The following NEK7 variants were observed in gnomAD, a reference collection of about 807,000 sequenced individuals.
NEK7 encodes the protein serine/threonine-protein kinase Nek7.
In NEK7, 18 loss-of-function variants were observed where a neutral mutation model predicts 44.6. That is an observed-to-expected ratio of 0.40 (90% confidence interval 0.28 to 0.60). NEK7 has a LOEUF of 0.60. NEK7 is among the 20% of genes least tolerant of loss of function. The probability of loss-of-function intolerance (pLI) is 0.38; values close to 1 mark genes in which losing one functional copy is unlikely to be tolerated. For missense variants in NEK7, 256 were observed against 366.5 expected (o/e 0.70, Z 2.46); for synonymous variants, 130 against 121.1 (o/e 1.07, Z -0.48).
chr1:198,309,454 A>G (rs1655108570), intron 9 of NEK7, among the ~76,000 whole-genome samples: 1 of 151,518 alleles, frequency 6.6e-6, no homozygotes. Flanking sequence ...TCTTTTTTTT[A>G]TTATTATTAT....
rs749263549 is a variant in NEK7 at position 198,231,301 on chromosome 1, GTATATATATA to G, written c.-28-1225_-28-1216del. Among the ~76,000 whole-genome samples, 679 of 86,964 alleles carry G rather than the reference GTATATATATA, an allele frequency of 7.8e-3. 9 individuals carry two copies. Among genetic ancestry groups the G allele is most frequent in the African/African-American group, 0.026 (529 of 20,068 alleles). The allele number at this position is 86,964 out of a possible 152,430, so 57.1% of individuals were successfully genotyped here. ...TGTGTATATACGTGTATGTGTGTGTGTATATATATATATATATATATATATATATATATAT... is the reference window on the plus strand; with the variant it reads ...TGTGTATATACGTGTATGTGTGTGTGTATATATATATATATATATATATAT... On this transcript the variant is annotated intron_variant, in intron 1 of 9. Transcript: ENST00000367385.
chr1:198,187,425 AG>A (rs1381302615), intron 1 of NEK7, among the ~76,000 whole-genome samples: 1 of 152,120 alleles, frequency 6.6e-6, no homozygotes, highest in East Asian at 1.9e-4. Context: ...TTGCCAAGGG[AG>A]AAAGGCTTGT....
chr1:198,160,411 A>G (rs1217998435), intron 1 of NEK7, among the ~76,000 whole-genome samples: 2 of 152,134 alleles, frequency 1.3e-5, no homozygotes, highest in African/African-American at 4.8e-5. Context: ...TGCACAAAAC[A>G]GCACTCTGTC....
Position 198,212,889 on chromosome 1 carries a change from C to G in NEK7, c.-28-19664C>G, listed in dbSNP as rs547783864. On this transcript the variant is annotated intron_variant, in intron 1 of 9. Coordinates refer to ENST00000367385, the MANE Select transcript of NEK7 (RefSeq NM_133494.3). Reference sequence around the variant, plus strand: ...GAAGAAAACATTTGCATGACCTCAGCTATCATCATTGCCTGAGTCATTCTG... The same window carrying G: ...GAAGAAAACATTTGCATGACCTCAGGTATCATCATTGCCTGAGTCATTCTG... Among the ~76,000 whole-genome samples, 550 of 144,688 alleles carry G rather than the reference C, an allele frequency of 3.8e-3. 9 individuals carry two copies. Among genetic ancestry groups the G allele is most frequent in the African/African-American group, 0.014 (510 of 37,226 alleles). The allele number at this position is 144,688 out of a possible 152,430, so 94.9% of individuals were successfully genotyped here. A position where few individuals can be genotyped will look rare whatever the true frequency, so the allele number is the denominator to read the frequency against.
chr1:198,205,664 A>AT (rs561655968), intron 1 of NEK7, among the ~76,000 whole-genome samples: 5,236 of 144,634 alleles, frequency 0.036, 138 homozygotes, highest in African/African-American at 0.07. Context: ...CTGCACTCAC[A>AT]TTTTTTTTTT....
rs1236036444 is a variant in NEK7, at chr1:198,166,528, C to T, written c.-29+9252C>T. On this transcript the variant is annotated intron_variant, in intron 1 of 9. Transcript: ENST00000367385. Reference sequence around the variant, plus strand: ...GAGATGGGTGACTCTTTCTTTCACTCGAACACTTGAAGGCCATTGTAGGGT... The same window carrying T: ...GAGATGGGTGACTCTTTCTTTCACTTGAACACTTGAAGGCCATTGTAGGGT... Among the ~76,000 whole-genome samples the T allele has an allele frequency of 2.6e-5, 4 of 152,214 alleles. No homozygotes were observed. The Middle Eastern group carries it at 0.01, about 388-fold the overall frequency.
chr1:198,299,934 G>A (rs758977807), intron 9 of NEK7, among the ~76,000 whole-genome samples: 2 of 152,116 alleles, frequency 1.3e-5, no homozygotes, highest in Non-Finnish European at 2.9e-5. Flanking sequence ...AGAAGTTTTA[G>A]AAAAATAAGC....
Position 198,256,439 on chromosome 1 carries a change from C to CT in NEK7, c.198+3264dup, listed in dbSNP as rs1374369857. The stretch of plus-strand genomic sequence containing the variant: ...ACAGTATATGGCAACATTAACCAAT[C>CT]TTTTTGAAAATTTACCTGTATCCCA... On this transcript the variant is annotated intron_variant, in intron 3 of 9. Transcript: ENST00000367385. 3 of 1,609,754 alleles carry CT rather than the reference C, an allele frequency of 1.9e-6. No individual in the cohort carries two copies. In the African/African-American group the frequency reaches 4.0e-5, roughly 22 times the overall value.
intron 2 of NEK7, among the ~76,000 whole-genome samples, chr1:198,246,217 T>G (rs1666831161): frequency 6.6e-6 from 1 of 152,206 alleles, no homozygotes; most frequent in African/African-American, 2.4e-5. Context: ...ACAAGCTTAT[T>G]TTTATACAAA....
intron 1 of NEK7, among the ~76,000 whole-genome samples, chr1:198,210,898 G>A (rs567638521): frequency 1.3e-3 from 198 of 150,234 alleles, no homozygotes; most frequent in Non-Finnish European, 2.1e-3. Context: ...GACTACAGGC[G>A]CCCGCCACTA....
intron 9 of NEK7, among the ~76,000 whole-genome samples, chr1:198,314,997 C>G (rs2103043010): frequency 6.6e-6 from 1 of 152,346 alleles, no homozygotes; most frequent in East Asian, 1.9e-4. Context: ...TTTACCTAAG[C>G]ACGCCTGGGC....
chr1:198,191,753 T>C (rs1336719414), intron 1 of NEK7, among the ~76,000 whole-genome samples: 1 of 152,106 alleles, frequency 6.6e-6, no homozygotes, highest in Non-Finnish European at 1.5e-5. Flanking sequence ...AAAGTTCTGC[T>C]TTTCATATTT....
chr1:198,269,552 A>G (rs1363185022), intron 5 of NEK7, among the ~76,000 whole-genome samples: 1 of 152,152 alleles, frequency 6.6e-6, no homozygotes, highest in African/African-American at 2.4e-5. Context: ...AATTGTAATG[A>G]ACATGATTCA....
intron 1 of NEK7, among the ~76,000 whole-genome samples, chr1:198,178,576 T>A (rs562267462): frequency 9.9e-5 from 15 of 152,194 alleles, no homozygotes; most frequent in African/African-American, 2.9e-4. Context: ...TACAGTGCAC[T>A]TTAGTGTAAT....
At chr1:198,177,915 C>T (rs1212296787) in intron 1 of NEK7, among the ~76,000 whole-genome samples, 1 of 151,822 alleles carries the variant, frequency 6.6e-6, no homozygotes, top group East Asian at 1.9e-4. Flanking sequence ...AAGCAAACAT[C>T]GTCCATGTGG....
At chr1:198,256,423 G>A in intron 3 of NEK7, 1 of 1,611,444 alleles carries the variant, frequency 6.2e-7, no homozygotes. Context: ...TACAGTATAT[G>A]GCAACATTAA....
chr1:198,239,829 G>A (rs1040731866), intron 2 of NEK7, among the ~76,000 whole-genome samples: 2 of 152,046 alleles, frequency 1.3e-5, no homozygotes, highest in African/African-American at 4.8e-5. Flanking sequence ...TCTTTGTTTT[G>A]CAAACACCAT....
chr1:198,197,304 A>G (rs1665268603), intron 1 of NEK7, among the ~76,000 whole-genome samples: 1 of 152,220 alleles, frequency 6.6e-6, no homozygotes, highest in African/African-American at 2.4e-5. Flanking sequence ...TACTATGTAG[A>G]TACAGTGACA....
chr1:198,163,184 T>A (rs1453354365), intron 1 of NEK7, among the ~76,000 whole-genome samples: 1 of 152,178 alleles, frequency 6.6e-6, no homozygotes, highest in Non-Finnish European at 1.5e-5. Flanking sequence ...TATATCTAAC[T>A]GCTGGACCAT....
Sources: gnomAD v4.1 joint callset for allele counts (sites outside exome capture counted in the v4.1 genomes callset) on GRCh38, gnomAD v4.1.1 for gene constraint, MANE v1.5 for transcripts, NCBI Gene and HGNC (gene_info 2026-07-23, HGNC 2026-07-21) for gene names.